The following DPP10 variants were observed in gnomAD, a reference collection of about 807,000 sequenced individuals.
The protein encoded by DPP10 is inactive dipeptidyl peptidase 10.
A neutral mutation model predicts 120.9 loss-of-function variants in DPP10; 33 were observed. That is an observed-to-expected ratio of 0.27 (90% confidence interval 0.21 to 0.37). The LOEUF (loss-of-function observed/expected upper bound fraction) is 0.37, where lower values mean the gene tolerates loss of function less well. Among genes scored for constraint, DPP10 ranks in the 10% least tolerant of loss-of-function variants. The pLI, the probability that DPP10 is intolerant of heterozygous loss-of-function variation, is 1.00. For synonymous variants in DPP10, 337 were observed against 326.1 expected (o/e 1.03, Z -0.36); for missense variants, 816 against 942.8 (o/e 0.87, Z 1.76).
chr2:114,770,387 C>T (rs990160570), intron 1 of DPP10, among the ~76,000 whole-genome samples: 1 of 152,098 alleles, frequency 6.6e-6, no homozygotes, highest in African/African-American at 2.4e-5. Flanking sequence ...AATTACATTA[C>T]TTTTTTACAT....
At chr2:114,895,740 G>A (rs1249651188) in intron 1 of DPP10, among the ~76,000 whole-genome samples, 1 of 152,078 alleles carries the variant, frequency 6.6e-6, no homozygotes, top group Admixed American at 6.5e-5. Flanking sequence ...ACAGAGTAAC[G>A]AAAAAGTATT....
chr2:114,955,940 T>C (rs1195452270), intron 1 of DPP10, among the ~76,000 whole-genome samples: 1 of 152,168 alleles, frequency 6.6e-6, no homozygotes, highest in East Asian at 1.9e-4. Context: ...GAAAAGAATG[T>C]ACCTCAACAT....
At chr2:114,651,439 T>A (rs1054829526) in intron 1 of DPP10, among the ~76,000 whole-genome samples, 1 of 152,150 alleles carries the variant, frequency 6.6e-6, no homozygotes, top group African/African-American at 2.4e-5. Flanking sequence ...GAGACCTTGC[T>A]AAAACACGAT....
At chr2:115,753,022 T>C in intron 10 of DPP10, 152 bp from the exon 11 acceptor site, 1 of 523,526 alleles carries the variant, frequency 1.9e-6, no homozygotes, top group East Asian at 3.6e-5. Context: ...AGCAGATATC[T>C]ATTTATCTAT....
intron 1 of DPP10, among the ~76,000 whole-genome samples, chr2:115,035,442 A>G (rs1278407950): frequency 6.6e-6 from 1 of 152,206 alleles, no homozygotes; most frequent in Non-Finnish European, 1.5e-5. Flanking sequence ...ATAGCTAATC[A>G]TAACTCCAAC....
intron 1 of DPP10, among the ~76,000 whole-genome samples, chr2:115,281,781 G>A (rs1367081222): frequency 1.3e-5 from 2 of 152,028 alleles, no homozygotes; most frequent in Non-Finnish European, 2.9e-5. Context: ...GAAACCACTG[G>A]ATATCTTAAA....
intron 3 of DPP10, among the ~76,000 whole-genome samples, chr2:115,495,365 G>GAAAAAAAAAAAAAAA (rs3039998): frequency 1.2e-5 from 1 of 82,240 alleles, no homozygotes; most frequent in African/African-American, 4.5e-5. Context: ...GCCATTTTCT[G>GAAAAAAAAAAAAAAA]AAAAAAAAAA....
intron 3 of DPP10, among the ~76,000 whole-genome samples, chr2:115,383,814 G>A (rs1463781058): frequency 6.6e-6 from 1 of 151,850 alleles, no homozygotes; most frequent in Non-Finnish European, 1.5e-5. Context: ...TTTCTTTCTT[G>A]TTCCAACATT....
At chr2:115,006,677 A>C (rs1421233077) in intron 1 of DPP10, among the ~76,000 whole-genome samples, 3 of 151,316 alleles carry the variant, frequency 2.0e-5, no homozygotes, top group Non-Finnish European at 4.4e-5. Flanking sequence ...ACTATCCTAA[A>C]TATATATGCA....
chr2:115,469,484 C>A (rs1467460264), intron 3 of DPP10, among the ~76,000 whole-genome samples: 1 of 152,176 alleles, frequency 6.6e-6, no homozygotes, highest in Non-Finnish European at 1.5e-5. Flanking sequence ...TGCCTCTCTA[C>A]AACTAAGACC....
rs34369425 is a variant in DPP10 at position 114,501,933 on chromosome 2, C to CTTTTTT, written c.60+59110_60+59115dup. On this transcript the variant is annotated intron_variant, in intron 1 of 25. Transcript: ENST00000410059. ...TGAGAAAAAACGAAGATTGATATTC[C>CTTTTTT]TTTTTTTTTTTTTTTTTTTTGAGAC... 3.0e-3 allele frequency among the ~76,000 whole-genome samples: 282 copies of CTTTTTT among 94,018 alleles called. 3 individuals are homozygous for CTTTTTT. Among genetic ancestry groups the CTTTTTT allele is most frequent in the African/African-American group, 9.7e-3 (263 of 27,250 alleles). 61.7% of individuals were successfully genotyped at this position (94,018 alleles called of 152,430 possible).
At chr2:115,777,766 G>A (rs758499368) in intron 14 of DPP10, 21 bp from the exon 15 acceptor site, 1 of 1,612,630 alleles carries the variant, frequency 6.2e-7, no homozygotes. Flanking sequence ...TAATGCTTGT[G>A]TTGTTTTCTT....
At chr2:115,261,404 G>C (rs925174676) in intron 1 of DPP10, among the ~76,000 whole-genome samples, 1 of 152,074 alleles carries the variant, frequency 6.6e-6, no homozygotes, top group South Asian at 2.1e-4. Context: ...GAAGAAATAC[G>C]GTTTAGTGAA....
intron 1 of DPP10, among the ~76,000 whole-genome samples, chr2:115,060,860 A>G (rs538878528): frequency 6.6e-6 from 1 of 152,288 alleles, no homozygotes; most frequent in South Asian, 2.1e-4. Context: ...TTTTAATCTT[A>G]GAAAATTTTC....
intron 9 of DPP10, among the ~76,000 whole-genome samples, chr2:115,744,882 T>C (rs1239946843): frequency 6.6e-6 from 1 of 150,474 alleles, no homozygotes; most frequent in African/African-American, 2.4e-5. Flanking sequence ...CCTTTTTCTT[T>C]TCTATATATC....
chr2:114,536,132 T>A (rs1223644419), intron 1 of DPP10, among the ~76,000 whole-genome samples: 1 of 152,140 alleles, frequency 6.6e-6, no homozygotes, highest in East Asian at 1.9e-4. Flanking sequence ...GCATCCTGCA[T>A]CGACATGGTT....
intron 1 of DPP10, among the ~76,000 whole-genome samples, chr2:114,981,560 A>T (rs1053138392): frequency 1.3e-5 from 2 of 152,078 alleles, no homozygotes; most frequent in African/African-American, 4.8e-5. Flanking sequence ...TGAGTGGCTA[A>T]GTGAGACCCC....
chr2:115,759,434 A>T (rs969739423), intron 11 of DPP10, among the ~76,000 whole-genome samples: 1 of 151,832 alleles, frequency 6.6e-6, no homozygotes, highest in Non-Finnish European at 1.5e-5. Flanking sequence ...TTCATTAGAC[A>T]TTAGCAAAAT....
intron 1 of DPP10, among the ~76,000 whole-genome samples, chr2:114,994,708 C>T (rs954035997): frequency 6.6e-6 from 1 of 152,092 alleles, no homozygotes; most frequent in Non-Finnish European, 1.5e-5. Context: ...ATTTTCTTTT[C>T]GCAGGGTCAC....
Sources: gnomAD v4.1 joint callset for allele counts (sites outside exome capture counted in the v4.1 genomes callset) on GRCh38, gnomAD v4.1.1 for gene constraint, MANE v1.5 for transcripts, NCBI Gene and HGNC (gene_info 2026-07-23, HGNC 2026-07-21) for gene names.